Variants in PCDH15 observed in about 807,000 individuals in gnomAD.
The protein encoded by PCDH15 is protocadherin related 15, also known as protocadherin-15.
PCDH15 carries 129 observed loss-of-function variants against 178.5 expected under a neutral mutation model. That is an observed-to-expected ratio of 0.72 (90% confidence interval 0.63 to 0.84). The LOEUF (loss-of-function observed/expected upper bound fraction) is 0.84. Ranked by LOEUF, PCDH15 falls within the 40% of genes least tolerant of loss-of-function variation. The pLI is 0.00. For missense variants in PCDH15, 2,230 were observed against 2,099.9 expected, an observed-to-expected ratio of 1.06 and a Z score of -1.21; for synonymous variants, 800 against 732.0, an observed-to-expected ratio of 1.09 and a Z score of -1.50.
intron 14 of PCDH15, among the ~76,000 whole-genome samples, chr10:54,148,183 G>C (rs1564533755): frequency 6.6e-6 from 1 of 151,892 alleles, no homozygotes; most frequent in East Asian, 1.9e-4. Context: ...TCTTATTGTA[G>C]ATTCTGTAAC....
intron 2 of PCDH15, among the ~76,000 whole-genome samples, chr10:55,403,023 A>G (rs1208431286): frequency 6.6e-6 from 1 of 151,870 alleles, no homozygotes; most frequent in Non-Finnish European, 1.5e-5. Flanking sequence ...TAACTGGGGT[A>G]GGAGATGATA....
chr10:54,515,261 G>C (rs148744973), intron 3 of PCDH15, among the ~76,000 whole-genome samples: 1 of 152,106 alleles, frequency 6.6e-6, no homozygotes, highest in Admixed American at 6.5e-5. Flanking sequence ...CTGGAAAATC[G>C]GGTCACTCCC....
intron 3 of PCDH15, among the ~76,000 whole-genome samples, chr10:54,850,254 C>T (rs527303630): frequency 6.6e-6 from 1 of 152,112 alleles, no homozygotes; most frequent in East Asian, 1.9e-4. Context: ...TGATAAAAAT[C>T]ATAAGATGGT....
intron 1 of PCDH15, among the ~76,000 whole-genome samples, chr10:55,305,130 G>C (rs1209231587): frequency 6.6e-6 from 1 of 152,100 alleles, no homozygotes; most frequent in African/African-American, 2.4e-5. Flanking sequence ...TGAACATTCT[G>C]ATCTATCTAT....
At chr10:54,447,789 T>G (rs2076235491) in intron 3 of PCDH15, among the ~76,000 whole-genome samples, 2 of 151,730 alleles carry the variant, frequency 1.3e-5, no homozygotes, top group African/African-American at 4.8e-5. Flanking sequence ...CTACTTAGAT[T>G]TTATCAAGTA....
At chr10:54,332,781 T>G (rs373103664) in intron 6 of PCDH15, among the ~76,000 whole-genome samples, 2 of 152,066 alleles carry the variant, frequency 1.3e-5, no homozygotes, top group East Asian at 3.9e-4. Context: ...GTTGACAGTT[T>G]TCATTGGACG....
At chr10:55,079,113 A>G (rs1841978122) in intron 2 of PCDH15, among the ~76,000 whole-genome samples, 1 of 151,612 alleles carries the variant, frequency 6.6e-6, no homozygotes, top group Non-Finnish European at 1.5e-5. Context: ...TTTCTTTTTT[A>G]TTGTGATGTG....
intron 18 of PCDH15, among the ~76,000 whole-genome samples, chr10:54,063,108 AC>A (rs1252957270): frequency 1.3e-5 from 2 of 152,182 alleles, no homozygotes; most frequent in Admixed American, 1.3e-4. Flanking sequence ...ATTGCCTCCT[AC>A]TTCTGCCTTC....
rs373884988 is a variant in PCDH15 at position 54,299,638 on chromosome 10, T to C, written c.876+17633A>G. Among the ~76,000 whole-genome samples, 394 of 152,282 alleles carry C rather than the reference T, an allele frequency of 2.6e-3. 1 individual carries two copies. Among genetic ancestry groups the C allele is most frequent in the African/African-American group, 7.1e-3 (296 of 41,570 alleles). ...CTTAATGAATTACCATACAAAGGTC[T>C]GACCAGATCTAGGAGGAACTCCCTT... On this transcript the variant is annotated intron_variant, in intron 8 of 37. Coordinates refer to ENST00000644397, the MANE Select transcript of PCDH15 (RefSeq NM_001384140.1).
chr10:55,084,063 T>TAA (rs144596249), intron 2 of PCDH15, among the ~76,000 whole-genome samples: 1 of 151,246 alleles, frequency 6.6e-6, no homozygotes, highest in Non-Finnish European at 1.5e-5. Context: ...CACAAAAATA[T>TAA]AAAAAAAATT....
chr10:53,809,587 A>T (rs748719256), intron 37 of PCDH15: 1 of 1,583,212 alleles, frequency 6.3e-7, no homozygotes, highest in Non-Finnish European at 8.6e-7. Context: ...CAGCTTGGAG[A>T]TAGCTATGGT....
chr10:54,774,005 G>A (rs1452645126), intron 1 of PCDH15, among the ~76,000 whole-genome samples: 3 of 104,388 alleles, frequency 2.9e-5, no homozygotes, highest in Non-Finnish European at 5.8e-5. Flanking sequence ...ATACTTCATA[G>A]GCTTTTTTTT....
At chr10:55,019,310 C>T (rs991265675) in intron 2 of PCDH15, among the ~76,000 whole-genome samples, 1 of 152,120 alleles carries the variant, frequency 6.6e-6, no homozygotes, top group Non-Finnish European at 1.5e-5. Flanking sequence ...TCACTTCAAA[C>T]ATAATACAAC....
At chr10:54,329,543 G>A (rs1938964940) in intron 7 of PCDH15, 53 bp downstream of exon 7, 8 of 1,367,844 alleles carry the variant, frequency 5.8e-6, no homozygotes, top group Non-Finnish European at 8.3e-6. Flanking sequence ...TTTTGGATGA[G>A]TTTTTTACTT....
At chr10:54,404,110 G>A (rs1952297039) in intron 3 of PCDH15, among the ~76,000 whole-genome samples, 1 of 151,328 alleles carries the variant, frequency 6.6e-6, no homozygotes, top group South Asian at 2.1e-4. Context: ...AACTAGAAAA[G>A]GCTATTTTAA....
chr10:55,209,895 A>T (rs1840515298), intron 1 of PCDH15, among the ~76,000 whole-genome samples: 1 of 152,088 alleles, frequency 6.6e-6, no homozygotes, highest in African/African-American at 2.4e-5. Context: ...AAAATCATGG[A>T]TCAGATATCC....
intron 2 of PCDH15, among the ~76,000 whole-genome samples, chr10:54,600,972 G>A (rs968040108): frequency 1.3e-5 from 2 of 151,966 alleles, no homozygotes; most frequent in African/African-American, 4.8e-5. Flanking sequence ...AGTACCAACT[G>A]AGCCAAAAAC....
intron 15 of PCDH15, among the ~76,000 whole-genome samples, chr10:54,090,375 G>A (rs887174432): frequency 6.6e-6 from 1 of 152,128 alleles, no homozygotes; most frequent in Non-Finnish European, 1.5e-5. Context: ...GGGCACAGTG[G>A]CTCAAGCCTG....
At chr10:55,526,195 T>C (rs540901154) in intron 2 of PCDH15, among the ~76,000 whole-genome samples, 1 of 152,080 alleles carries the variant, frequency 6.6e-6, no homozygotes, top group East Asian at 1.9e-4. Context: ...AAATTAGCTA[T>C]TAAACTTTCT....
Sources: allele counts gnomAD v4.1 joint callset (sites outside exome capture counted in the v4.1 genomes callset), GRCh38; gene constraint gnomAD v4.1.1; transcripts MANE v1.5; gene names NCBI Gene and HGNC (gene_info 2026-07-23, HGNC 2026-07-21).